WDR37: variants seen among roughly 807,000 people sequenced by gnomAD.
The protein encoded by WDR37 is WD repeat-containing protein 37.
In WDR37, 19 loss-of-function variants were observed where a neutral mutation model predicts 62.9. That is an observed-to-expected ratio of 0.30 (90% confidence interval 0.21 to 0.44). The LOEUF is 0.44. Ranked by LOEUF, WDR37 falls within the 20% of genes least tolerant of loss-of-function variation. The pLI, the probability that WDR37 is intolerant of heterozygous loss-of-function variation, is 1.00. For synonymous variants in WDR37, 250 were observed against 260.9 expected (o/e 0.96, Z 0.40); for missense variants, 474 against 657.6 (o/e 0.72, Z 3.05).
At chr10:1,126,487 C>T (rs1346383995) in intron 13 of WDR37, among the ~76,000 whole-genome samples, 4 of 152,148 alleles carry the variant, frequency 2.6e-5, no homozygotes. Context: ...CCAGAGGATC[C>T]CTCTTTCCTG....
Position 1,072,245 on chromosome 10 carries a change from C to G in WDR37, c.90C>G (p.Ser30Arg). The stretch of plus-strand genomic sequence containing the variant: ...GCCTTTCTATACGAAGAACTAACAG[C>G]TCGGAGCAGGAGAGGACGGGACTGC... ...SHSLSIRRTN[S>R]SEQERTGLPR... Residue 30 changes from serine (S) to arginine (R), a missense_variant, in exon 2 of 14, where the codon AGC becomes AGG. Physicochemically the swap from Ser to Arg is moderately radical, Grantham distance 110. Coordinates refer to ENST00000263150, the MANE Select transcript of WDR37 (RefSeq NM_014023.4). The G allele has an allele frequency of 6.2e-7, 1 of 1,614,170 alleles. No individual in the cohort carries two copies. Among genetic ancestry groups the G allele is most frequent in the Non-Finnish European group, 8.5e-7 (1 of 1,180,032 alleles).
chr10:1,068,131 T>C (rs1168268336), intron 1 of WDR37, among the ~76,000 whole-genome samples: 2 of 152,000 alleles, frequency 1.3e-5, no homozygotes, highest in African/African-American at 4.8e-5. Context: ...ACATGCAGTA[T>C]GATAGAAGGA....
chr10:1,126,342 C>T (rs554586582), intron 13 of WDR37, among the ~76,000 whole-genome samples: 130 of 150,104 alleles, frequency 8.7e-4, no homozygotes, highest in East Asian at 3.7e-3. Context: ...GGAGGCGGAG[C>T]TTGCAGTGAG....
chr10:1,061,386 A>T (rs979642002), intron 1 of WDR37, among the ~76,000 whole-genome samples: 6 of 152,256 alleles, frequency 3.9e-5, no homozygotes, highest in African/African-American at 1.4e-4. Context: ...CATTTAAATA[A>T]GATTTATGCT....
intron 11 of WDR37, among the ~76,000 whole-genome samples, chr10:1,122,190 CGAT>C (rs1835603990): frequency 6.6e-6 from 1 of 151,880 alleles, no homozygotes; most frequent in Non-Finnish European, 1.5e-5. Flanking sequence ...GACTGGACCT[CGAT>C]GAGGGTAGAT....
intron 11 of WDR37, among the ~76,000 whole-genome samples, chr10:1,110,901 A>G (rs1228404234): frequency 2.0e-5 from 3 of 152,258 alleles, no homozygotes; most frequent in Non-Finnish European, 4.4e-5. Context: ...TGAGGCCTGC[A>G]GGACTGCCTG....
chr10:1,095,411 A>C (rs538292961), intron 8 of WDR37, among the ~76,000 whole-genome samples: 3 of 151,264 alleles, frequency 2.0e-5, no homozygotes, highest in South Asian at 4.2e-4. Context: ...AACGTGAGGT[A>C]ACGGGCATGG....
At chr10:1,075,627 C>T (rs529081813) in intron 2 of WDR37, among the ~76,000 whole-genome samples, 100 of 152,024 alleles carry the variant, frequency 6.6e-4, no homozygotes, top group Admixed American at 2.7e-3. Context: ...AGGAGATTGG[C>T]CTTGTGTAGG....
rs560657057 is a variant in WDR37, at chr10:1,062,809, C to A, written c.-41+5841C>A. On this transcript the variant is annotated intron_variant, in intron 1 of 13. Transcript: ENST00000263150. Reference sequence around the variant, plus strand: ...ATATAAAACAAATGTAAGAGTGGGCCGGGTGCAGTGGCTCACGCCTGTAAT... The same window carrying A: ...ATATAAAACAAATGTAAGAGTGGGCAGGGTGCAGTGGCTCACGCCTGTAAT... Among the ~76,000 whole-genome samples the A allele has an allele frequency of 1.1e-4, 16 of 152,226 alleles. No individual in the cohort carries two copies. In the South Asian group the frequency reaches 3.3e-3, roughly 32 times the overall value.
chr10:1,124,157 G>T, intron 11 of WDR37, 61 bp from the exon 12 acceptor site: 1 of 1,605,170 alleles, frequency 6.2e-7, no homozygotes, highest in South Asian at 1.1e-5. Context: ...GGTTGTGTGT[G>T]GGGTGTGGTG....
At chr10:1,102,220 C>T (rs1487775053) in intron 9 of WDR37, among the ~76,000 whole-genome samples, 1 of 143,702 alleles carries the variant, frequency 7.0e-6, no homozygotes, top group Admixed American at 7.1e-5. Flanking sequence ...TGCTGCTGTG[C>T]GTCCCTGCGA....
At chr10:1,093,257 G>A (rs906986545) in intron 7 of WDR37, among the ~76,000 whole-genome samples, 195 bp from the exon 8 acceptor site, 2 of 152,122 alleles carry the variant, frequency 1.3e-5, no homozygotes, top group Non-Finnish European at 2.9e-5. Context: ...CGATTTGGTG[G>A]TTCATACCTT....
At chr10:1,074,579 G>T in intron 2 of WDR37, 1 of 1,260,836 alleles carries the variant, frequency 7.9e-7, no homozygotes, top group Non-Finnish European at 1.1e-6. Context: ...CCCCCGTGAG[G>T]TGCTCTGCCT....
chr10:1,078,004 G>A lies in WDR37; in HGVS notation c.235+1G>A. 1 of 1,594,036 alleles carries A rather than the reference G, an allele frequency of 6.3e-7. No homozygotes were observed. Among genetic ancestry groups the A allele is most frequent in the Non-Finnish European group, 8.6e-7 (1 of 1,164,788 alleles). ...AACCTTTATATCGAAAACTTAGAATGTGAGTATCTCCTATTTTAATATACT... is the reference window on the plus strand; with the variant it reads ...AACCTTTATATCGAAAACTTAGAATATGAGTATCTCCTATTTTAATATACT... On this transcript the variant is annotated splice_donor_variant, in intron 3 of 13. Coordinates refer to ENST00000263150, the MANE Select transcript of WDR37 (RefSeq NM_014023.4). LOFTEE classifies it high-confidence loss of function.
At chr10:1,064,715 C>G (rs1264946406) in intron 1 of WDR37, among the ~76,000 whole-genome samples, 1 of 150,698 alleles carries the variant, frequency 6.6e-6, no homozygotes, top group Non-Finnish European at 1.5e-5. Flanking sequence ...GCCCTAGCCT[C>G]CCAAGTAGCT....
At position 1,057,843 on chromosome 10, in the gene WDR37, A is replaced by G. The variant is rs140562800; in HGVS notation, c.-41+875A>G. ...TGGAAGTTTCATTTATTGAAGTTCA[A>G]GTGTTTTTCTCTTAAATTCAGTATG... is the stretch of plus-strand genomic sequence containing the variant. On this transcript the variant is annotated intron_variant, in intron 1 of 13. Transcript: ENST00000263150. Among the ~76,000 whole-genome samples the G allele has an allele frequency of 2.7e-3, 413 of 152,336 alleles. 3 individuals carry two copies. Among genetic ancestry groups the G allele is most frequent in the African/African-American group, 9.5e-3 (395 of 41,578 alleles).
At chr10:1,123,860 A>G (rs1835660463) in intron 11 of WDR37, 1 of 207,176 alleles carries the variant, frequency 4.8e-6, no homozygotes, top group Non-Finnish European at 9.7e-6. Flanking sequence ...GATTACATTG[A>G]TTGACAGTTG....
At chr10:1,080,300 A>G in intron 4 of WDR37, 112 bp from the exon 5 acceptor site, 1 of 1,433,308 alleles carries the variant, frequency 7.0e-7, no homozygotes, top group African/African-American at 1.4e-5. Flanking sequence ...ACTAGGGTCA[A>G]ACGAGCCTTT....
At position 1,080,396 on chromosome 10, in the gene WDR37, C is replaced by T. The variant is rs369803910; in HGVS notation, c.332-16C>T. The T allele has an allele frequency of 1.7e-5, 27 of 1,613,980 alleles. No homozygotes were observed. Among genetic ancestry groups the T allele is most frequent in the Admixed American group, 1.3e-4 (8 of 59,978 alleles). The stretch of plus-strand genomic sequence containing the variant: ...ATTGTGTGATTGTGTTTGATTGTCA[C>T]TCTCTGTCCCTGCAGCCAGTCACAG... On this transcript the variant is annotated splice_polypyrimidine_tract_variant and intron_variant, in intron 4 of 13. Transcript: ENST00000263150.
Sources: allele counts gnomAD v4.1 joint callset (sites outside exome capture counted in the v4.1 genomes callset), GRCh38; gene constraint gnomAD v4.1.1; transcripts MANE v1.5; gene names NCBI Gene and HGNC (gene_info 2026-07-23, HGNC 2026-07-21).